Variants in KIAA0319L observed in about 807,000 individuals in gnomAD.
KIAA0319L encodes KIAA0319 like, also known as dyslexia-associated protein KIAA0319-like protein.
A neutral mutation model predicts 120.1 loss-of-function variants in KIAA0319L; 55 were observed. That is an observed-to-expected ratio of 0.46 (90% CI 0.37 to 0.57). The LOEUF (loss-of-function observed/expected upper bound fraction) is 0.57, where lower values mean the gene tolerates loss of function less well. KIAA0319L is among the 20% of genes least tolerant of loss of function. The probability of loss-of-function intolerance (pLI) is 0.00; values close to 1 mark genes in which losing one functional copy is unlikely to be tolerated. For synonymous variants in KIAA0319L, 398 were observed against 471.9 expected (o/e 0.84, Z 2.03); for missense variants, 1,049 against 1,255.3 (o/e 0.84, Z 2.48).
intron 2 of KIAA0319L, among the ~76,000 whole-genome samples, chr1:35,523,014 TAAAAAAAAAAA>T (rs58518920): frequency 4.8e-5 from 3 of 62,530 alleles, no homozygotes; most frequent in Non-Finnish European, 1.0e-4. Flanking sequence ...AAACTCCACA[TAAAAAAAAAAA>T]AAAAAAAAAA....
rs530205030 is a variant in KIAA0319L at position 35,444,141 on chromosome 1, A to C, written c.2656+20T>G. On this transcript the variant is annotated intron_variant, in intron 17 of 20. Coordinates refer to ENST00000325722, the MANE Select transcript of KIAA0319L (RefSeq NM_024874.5). Reference sequence around the variant, plus strand: ...AGGCACTAGGTAGGCTCTTGCTCCCAAATTCCCAGAATTACTCACTGACAG... The same window carrying C: ...AGGCACTAGGTAGGCTCTTGCTCCCCAATTCCCAGAATTACTCACTGACAG... The C allele has an allele frequency of 5.0e-5, 78 of 1,574,856 alleles. No individual in the cohort carries two copies. The highest frequency in any genetic ancestry group is 6.5e-5 in the Non-Finnish European group (75 of 1,159,652).
chr1:35,536,500 G>C (rs907434646), intron 2 of KIAA0319L, among the ~76,000 whole-genome samples: 1 of 152,202 alleles, frequency 6.6e-6, no homozygotes, highest in Admixed American at 6.5e-5. Flanking sequence ...ATGACATCTA[G>C]ATCCATTCAC....
At chr1:35,446,670 C>G (rs1641649736) in intron 16 of KIAA0319L, among the ~76,000 whole-genome samples, 1 of 152,194 alleles carries the variant, frequency 6.6e-6, no homozygotes, top group African/African-American at 2.4e-5. Context: ...AGACTACTCT[C>G]ATTTGGTTTT....
chr1:35,510,219 C>G (rs1277190909), intron 2 of KIAA0319L: 1 of 152,144 alleles, frequency 6.6e-6, no homozygotes, highest in Non-Finnish European at 1.5e-5. Context: ...TACTATCACC[C>G]CTTTCAAATC....
At chr1:35,479,296 A>G in intron 3 of KIAA0319L, 84 bp from the exon 4 acceptor site, 1 of 1,159,934 alleles carries the variant, frequency 8.6e-7, no homozygotes, top group Non-Finnish European at 1.2e-6. Flanking sequence ...AGTCTATTAA[A>G]TGTTCTCTTG....
At chr1:35,450,645 C>A in intron 13 of KIAA0319L, 136 bp from the exon 14 acceptor site, 1 of 760,750 alleles carries the variant, frequency 1.3e-6, no homozygotes, top group Non-Finnish European at 2.1e-6. Flanking sequence ...TCCCTGCCAC[C>A]AACCAACAGT....
At chr1:35,489,659 T>G (rs534422249) in intron 3 of KIAA0319L, among the ~76,000 whole-genome samples, 9 of 151,452 alleles carry the variant, frequency 5.9e-5, no homozygotes, top group African/African-American at 2.2e-4. Flanking sequence ...TTCTTTGTTT[T>G]GTTTCTTTGG....
At chr1:35,470,093 C>T (rs931961351) in intron 6 of KIAA0319L, among the ~76,000 whole-genome samples, 2 of 151,978 alleles carry the variant, frequency 1.3e-5, no homozygotes, top group African/African-American at 2.4e-5. Flanking sequence ...TTCTCAAACT[C>T]GTGGCCTCAA....
In KIAA0319L at chr1:35,453,194, C is replaced by T. The variant is rs563884884; in HGVS notation, c.1913+363G>A. Among the ~76,000 whole-genome samples, 7 of 152,304 alleles carry T rather than the reference C, an allele frequency of 4.6e-5. No individual in the cohort carries two copies. Among genetic ancestry groups the T allele is most frequent in the Admixed American group, 1.3e-4 (2 of 15,298 alleles). ...TTAATAGCTGCTCTGCCCCATCCCC[C>T]GTGCCAGCCTTACCCAGTTAATTCT... On this transcript the variant is annotated intron_variant, in intron 12 of 20. Transcript: ENST00000325722. The surrounding 1 kb of genome is among the most constrained non-coding windows in gnomAD (Gnocchi z 4.1).
chr1:35,496,946 C>CAAAAAA lies in KIAA0319L; in HGVS notation c.666+9665_666+9666insTTTTTT, dbSNP rs1558484218. Reference sequence around the variant, plus strand: ...TGAGCAACAGAGTGAGATTGTGTCTCCAAAAAAAAAAAAAAAAAAAAAAAG... The same window carrying CAAAAAA: ...TGAGCAACAGAGTGAGATTGTGTCTCAAAAAACAAAAAAAAAAAAAAAAAAAAAAAG... On this transcript the variant is annotated intron_variant, in intron 3 of 20. Transcript: ENST00000325722. Among the ~76,000 whole-genome samples, 4 of 64,372 alleles carry CAAAAAA rather than the reference C, an allele frequency of 6.2e-5. 1 individual carries two copies. The highest frequency in any genetic ancestry group is 4.8e-3 in the East Asian group (2 of 418). 42.2% of individuals were successfully genotyped at this position (64,372 alleles called of 152,430 possible). A position where few individuals can be genotyped will look rare whatever the true frequency, so the allele number is the denominator to read the frequency against.
intron 3 of KIAA0319L, among the ~76,000 whole-genome samples, chr1:35,490,776 A>G (rs539749663): frequency 3.9e-5 from 6 of 152,292 alleles, no homozygotes; most frequent in Non-Finnish European, 4.4e-5. Context: ...GTAATTTCCA[A>G]TGTTGGGGAA....
chr1:35,454,723 G>A lies in KIAA0319L; in HGVS notation c.1657-238C>T, dbSNP rs995024089. The A allele has an allele frequency of 8.2e-6, 8 of 978,998 alleles. No homozygotes were observed. The African/African-American group carries it at 1.1e-4, about 14-fold the overall frequency. 60.6% of individuals were successfully genotyped at this position (978,998 alleles called of 1,614,324 possible). Reference sequence around the variant, plus strand: ...TGACACAGCAGCAGTTTCAAATAAAGCCAGAACTCTCATAAGAGAGGGCAG... The same window carrying A: ...TGACACAGCAGCAGTTTCAAATAAAACCAGAACTCTCATAAGAGAGGGCAG... On this transcript the variant is annotated intron_variant, in intron 10 of 20. Coordinates refer to ENST00000325722, the MANE Select transcript of KIAA0319L (RefSeq NM_024874.5).
At chr1:35,451,907 G>A in intron 12 of KIAA0319L, 131 bp from the exon 13 acceptor site, 5 of 938,674 alleles carry the variant, frequency 5.3e-6, no homozygotes, top group Middle Eastern at 6.7e-4. Context: ...GACAAGACAT[G>A]TTTAAAAATA....
chr1:35,455,970 T>C (rs1382657777), intron 10 of KIAA0319L, 43 bp downstream of exon 10: 1 of 1,458,354 alleles, frequency 6.9e-7, no homozygotes, highest in Non-Finnish European at 9.5e-7. Context: ...CCAGCAGCTC[T>C]ACTTCTCTTG....
chr1:35,460,845 AGAG>A (rs1642839857), intron 8 of KIAA0319L, among the ~76,000 whole-genome samples: 1 of 152,248 alleles, frequency 6.6e-6, no homozygotes, highest in Non-Finnish European at 1.5e-5. Context: ...GTGTGGAGAA[AGAG>A]GACCTCTCAT....
chr1:35,468,150 T>C (rs879581893), intron 6 of KIAA0319L, among the ~76,000 whole-genome samples: 1 of 152,196 alleles, frequency 6.6e-6, no homozygotes, highest in Non-Finnish European at 1.5e-5. Flanking sequence ...AATGTTTTTT[T>C]TTTTCTTTCT....
rs770305152 is a variant in KIAA0319L, at chr1:35,449,890, C to T, written c.2330G>A (p.Arg777Gln). 16 of 1,613,866 alleles carry T rather than the reference C, an allele frequency of 9.9e-6. No homozygotes were observed. Among genetic ancestry groups the T allele is most frequent in the African/African-American group, 9.3e-5 (7 of 74,890 alleles). Reference sequence around the variant, plus strand: ...ACCAGGTTTCACCTCCACAGTGGTCCGGTCTGTGTCACTCTCACCCTTTGC... The same window carrying T: ...ACCAGGTTTCACCTCCACAGTGGTCTGGTCTGTGTCACTCTCACCCTTTGC... ...TDAKGESDTD[R>Q]TTVEVKPDPR... The change falls in exon 15 of 21, where the codon CGG becomes CAG. Residue 777 changes from arginine to glutamine, a missense_variant. Physicochemically the swap from Arg to Gln is conservative, Grantham distance 43. Coordinates refer to ENST00000325722, the MANE Select transcript of KIAA0319L (RefSeq NM_024874.5).
At chr1:35,511,599 T>A (rs552677899) in intron 2 of KIAA0319L, among the ~76,000 whole-genome samples, 90 of 152,198 alleles carry the variant, frequency 5.9e-4, no homozygotes, top group African/African-American at 2.0e-3. Flanking sequence ...ATAACATTTT[T>A]AAAAAGAATG....
At chr1:35,544,902 G>A (rs1646926130) in intron 2 of KIAA0319L, among the ~76,000 whole-genome samples, 1 of 152,166 alleles carries the variant, frequency 6.6e-6, no homozygotes, top group East Asian at 1.9e-4. Flanking sequence ...AACCTGAAGT[G>A]AGCCCCATAA....
Sources: gnomAD v4.1 joint callset for allele counts (sites outside exome capture counted in the v4.1 genomes callset) on GRCh38, gnomAD v4.1.1 for gene constraint, Gnocchi (gnomAD v3.1) non-coding constraint, MANE v1.5 for transcripts, NCBI Gene and HGNC (gene_info 2026-07-23, HGNC 2026-07-21) for gene names.